Variants in KIAA1549L observed in about 807,000 individuals in gnomAD.
The protein encoded by KIAA1549L is KIAA1549 like.
KIAA1549L carries 88 observed loss-of-function variants against 160.7 expected under a neutral mutation model. The ratio of observed to expected loss-of-function variants is 0.55; its 90% CI spans 0.46 to 0.65. The LOEUF is 0.65. KIAA1549L is among the 30% of genes least tolerant of loss of function. The probability of loss-of-function intolerance (pLI) is 0.00; values close to 1 mark genes in which losing one functional copy is unlikely to be tolerated. For synonymous variants in KIAA1549L, 950 were observed against 976.7 expected (o/e 0.97, Z 0.51); for missense variants, 2,258 against 2,437.5 (o/e 0.93, Z 1.55).
At chr11:33,418,537 G>T (rs1850932601) in intron 1 of KIAA1549L, among the ~76,000 whole-genome samples, 1 of 152,206 alleles carries the variant, frequency 6.6e-6, no homozygotes, top group Non-Finnish European at 1.5e-5. Context: ...TCTGAATCCA[G>T]TGAGATAGAA....
At chr11:33,592,333 G>T (rs1427536553) in intron 12 of KIAA1549L, among the ~76,000 whole-genome samples, 1 of 152,236 alleles carries the variant, frequency 6.6e-6, no homozygotes, top group African/African-American at 2.4e-5. Context: ...AGGATACTTT[G>T]ATGGCAGTGT....
chr11:33,561,858 G>A (rs1440278856), intron 8 of KIAA1549L, 123 bp downstream of exon 8: 1 of 706,642 alleles, frequency 1.4e-6, no homozygotes, highest in African/African-American at 1.8e-5. Context: ...AAGTCAGGAA[G>A]TTACTTCTAC....
chr11:33,530,436 AATATATATATATATATATATATATAT>A (rs869093534), intron 1 of KIAA1549L, among the ~76,000 whole-genome samples: 236 of 11,884 alleles, frequency 0.02, 17 homozygotes, highest in African/African-American at 0.079. Context: ...AAAAAAAAAA[AATATATATATATATATATATATATAT>A]ATATATATAT....
intron 1 of KIAA1549L, among the ~76,000 whole-genome samples, chr11:33,506,731 T>G (rs937359079): frequency 3.3e-5 from 5 of 150,574 alleles, no homozygotes; most frequent in African/African-American, 1.2e-4. Context: ...AAAAAAAAAT[T>G]GAACAACAAC....
At chr11:33,544,573 C>T (rs1226124766) in intron 2 of KIAA1549L, among the ~76,000 whole-genome samples, 194 bp from the exon 3 acceptor site, 1 of 152,208 alleles carries the variant, frequency 6.6e-6, no homozygotes, top group Non-Finnish European at 1.5e-5. Flanking sequence ...CATAGCTGTG[C>T]TGTAAGTGGC....
intron 12 of KIAA1549L, among the ~76,000 whole-genome samples, chr11:33,593,431 C>T (rs1850115171): frequency 6.6e-6 from 1 of 152,084 alleles, no homozygotes. Context: ...AGAGTGAGGG[C>T]TTGTCTCAAA....
rs568255121 is a variant in KIAA1549L at position 33,471,099 on chromosome 11, G to A, written c.239-70703G>A. Reference sequence around the variant, plus strand: ...GCCTCATGAGTAGCTGGGACTACACGCATGCCGCTGCACCTGGCTAAGTTT... The same window carrying A: ...GCCTCATGAGTAGCTGGGACTACACACATGCCGCTGCACCTGGCTAAGTTT... On this transcript the variant is annotated intron_variant, in intron 1 of 20. Transcript: ENST00000658780. Among the ~76,000 whole-genome samples the A allele has an allele frequency of 1.0e-3, 159 of 152,190 alleles. 1 individual carries two copies. Among genetic ancestry groups the A allele is most frequent in the African/African-American group, 3.7e-3 (152 of 41,516 alleles).
At chr11:33,588,221 G>A (rs546737792) in intron 11 of KIAA1549L, among the ~76,000 whole-genome samples, 1 of 152,326 alleles carries the variant, frequency 6.6e-6, no homozygotes, top group Admixed American at 6.5e-5. Flanking sequence ...GCTTGAGGGT[G>A]AGGAACCAGT....
chr11:33,661,741 G>A (rs532317834), intron 20 of KIAA1549L, among the ~76,000 whole-genome samples: 7 of 152,104 alleles, frequency 4.6e-5, no homozygotes, highest in South Asian at 4.2e-4. Context: ...TTAGCTGGGC[G>A]TGATGGTGAG....
At chr11:33,533,761 G>A (rs1029697229) in intron 1 of KIAA1549L, among the ~76,000 whole-genome samples, 1 of 152,096 alleles carries the variant, frequency 6.6e-6, no homozygotes, top group Non-Finnish European at 1.5e-5. Flanking sequence ...GAGATGGGAG[G>A]GATGACTCAT....
chr11:33,551,295 C>A, intron 5 of KIAA1549L, 36 bp downstream of exon 5: 1 of 1,577,858 alleles, frequency 6.3e-7, no homozygotes, highest in South Asian at 1.1e-5. Context: ...TTCATCCATT[C>A]TTGGGTTCAG....
At chr11:33,423,023 T>C (rs1396388483) in intron 1 of KIAA1549L, among the ~76,000 whole-genome samples, 1 of 152,228 alleles carries the variant, frequency 6.6e-6, no homozygotes, top group Non-Finnish European at 1.5e-5. Flanking sequence ...GTAAATGCGA[T>C]TGATTTATCT....
intron 1 of KIAA1549L, among the ~76,000 whole-genome samples, chr11:33,487,605 C>A (rs981497236): frequency 6.6e-6 from 1 of 151,950 alleles, no homozygotes; most frequent in African/African-American, 2.4e-5. Context: ...AACATCGATT[C>A]GTACTGTGAA....
At chr11:33,420,507 G>C (rs1190978062) in intron 1 of KIAA1549L, among the ~76,000 whole-genome samples, 1 of 152,110 alleles carries the variant, frequency 6.6e-6, no homozygotes, top group Admixed American at 6.6e-5. Context: ...GATTACAGGC[G>C]TGAGCCACTG....
At chr11:33,489,802 T>G (rs78371181) in intron 1 of KIAA1549L, among the ~76,000 whole-genome samples, 2,819 of 152,260 alleles carry the variant, frequency 0.019, 81 homozygotes, top group African/African-American at 0.062. Flanking sequence ...TCTAGCTGTG[T>G]GCTCAGGAAT....
rs751498078 is a variant in KIAA1549L, at chr11:33,542,636, C to T, written c.1073C>T (p.Pro358Leu). 50 of 1,613,880 alleles carry T rather than the reference C, an allele frequency of 3.1e-5. 2 individuals carry two copies. In the South Asian group the frequency reaches 5.5e-4, roughly 18 times the overall value. ...MAELSHPSPP[P>L]PALGSLLQLP... Reference sequence around the variant, plus strand: ...GAACTGTCCCATCCGTCTCCCCCTCCCCCAGCACTTGGAAGTCTTCTTCAG... The same window carrying T: ...GAACTGTCCCATCCGTCTCCCCCTCTCCCAGCACTTGGAAGTCTTCTTCAG... The change falls in exon 2 of 21, where the codon CCC (proline) becomes CTC (leucine). Residue 358 changes from proline to leucine, a missense_variant. By Grantham distance (98) the Pro-to-Leu change is moderately conservative. Transcript: ENST00000658780.
At chr11:33,403,200 GACAC>G (rs1441139327) in intron 1 of KIAA1549L, 2 of 113,168 alleles carry the variant, frequency 1.8e-5, no homozygotes, top group Non-Finnish European at 3.9e-5. Context: ...GACATACACA[GACAC>G]ACGCACCCAC....
chr11:33,492,718 A>G (rs981763362), intron 1 of KIAA1549L, among the ~76,000 whole-genome samples: 4 of 152,112 alleles, frequency 2.6e-5, no homozygotes, highest in African/African-American at 9.7e-5. Flanking sequence ...TAGCGAGATT[A>G]GATTTATTAT....
chr11:33,562,947 C>T (rs1463262409), intron 8 of KIAA1549L, among the ~76,000 whole-genome samples: 1 of 152,006 alleles, frequency 6.6e-6, no homozygotes, highest in African/African-American at 2.4e-5. Context: ...TCCCAAAGTA[C>T]TGGGATTACA....
Sources: allele counts gnomAD v4.1 joint callset (sites outside exome capture counted in the v4.1 genomes callset), GRCh38; gene constraint gnomAD v4.1.1; transcripts MANE v1.5; gene names NCBI Gene and HGNC (gene_info 2026-07-23, HGNC 2026-07-21).